The following LYPLAL1 variants were observed in gnomAD, a reference collection of about 807,000 sequenced individuals.
The protein encoded by LYPLAL1 is lysophospholipase like 1, also known as lysophospholipase-like protein 1.
In LYPLAL1, 23 loss-of-function variants were observed where a neutral mutation model predicts 19.7. The ratio of observed to expected loss-of-function variants is 1.17; its 90% CI spans 0.84 to 1.65. The LOEUF (loss-of-function observed/expected upper bound fraction) is 1.65. Ranked by LOEUF, LYPLAL1 falls within the 40% of genes most tolerant of loss-of-function variation. The pLI, the probability that LYPLAL1 is intolerant of heterozygous loss-of-function variation, is 0.00. For missense variants in LYPLAL1, 355 were observed against 279.4 expected (o/e 1.27, Z -1.93); for synonymous variants, 119 against 96.3 (o/e 1.24, Z -1.38).
chr1:219,397,677 T>C, the LYPLAL1 span, among the ~76,000 whole-genome samples: 1 of 152,236 alleles, frequency 6.6e-6, no homozygotes, highest in Non-Finnish European at 1.5e-5. Flanking sequence ...TTTGTGTTTT[T>C]ATAGTGGCTG....
chr1:219,217,115 T>G (rs1280061020), downstream of LYPLAL1, among the ~76,000 whole-genome samples: 1 of 152,154 alleles, frequency 6.6e-6, no homozygotes, highest in Non-Finnish European at 1.5e-5. Context: ...GACCTTCACT[T>G]TGAAATATTG....
the LYPLAL1 span, among the ~76,000 whole-genome samples, chr1:219,230,154 C>T: frequency 6.6e-6 from 1 of 152,164 alleles, no homozygotes; most frequent in East Asian, 1.9e-4. Flanking sequence ...ACTCTGTCAC[C>T]CAGGCTGGAG....
chr1:219,329,240 G>A, the LYPLAL1 span, among the ~76,000 whole-genome samples: 1 of 152,022 alleles, frequency 6.6e-6, no homozygotes, highest in Non-Finnish European at 1.5e-5. Flanking sequence ...TTAATGAAAA[G>A]AGAACTGTCC....
chr1:219,243,236 T>C, the LYPLAL1 span, among the ~76,000 whole-genome samples: 1 of 152,166 alleles, frequency 6.6e-6, no homozygotes, highest in Non-Finnish European at 1.5e-5. Flanking sequence ...TTAATGGAAA[T>C]ATATTTTGGA....
the LYPLAL1 span, among the ~76,000 whole-genome samples, chr1:219,255,091 T>C: frequency 1.6e-4 from 25 of 151,922 alleles, no homozygotes; most frequent in Non-Finnish European, 3.2e-4. Context: ...AAGCCTTGAC[T>C]TTTATAGGCT....
the LYPLAL1 span, among the ~76,000 whole-genome samples, chr1:219,320,136 G>A: frequency 6.6e-6 from 1 of 152,178 alleles, no homozygotes; most frequent in Non-Finnish European, 1.5e-5. Context: ...TAGTAGGTAA[G>A]CGTTTATAAT....
chr1:219,311,240 C>T, the LYPLAL1 span, among the ~76,000 whole-genome samples: 1 of 151,600 alleles, frequency 6.6e-6, no homozygotes, highest in Non-Finnish European at 1.5e-5. Context: ...GTGAGAAATG[C>T]AATATATGTT....
At chr1:219,186,055 A>G (rs1190962172) in intron 2 of LYPLAL1, among the ~76,000 whole-genome samples, 1 of 151,870 alleles carries the variant, frequency 6.6e-6, no homozygotes, top group Non-Finnish European at 1.5e-5. Flanking sequence ...TGGGACCTAT[A>G]TAACCCCATG....
the LYPLAL1 span, among the ~76,000 whole-genome samples, chr1:219,311,099 T>C: frequency 6.6e-6 from 1 of 152,218 alleles, no homozygotes. Context: ...ATAAAATTAT[T>C]GCAGAAAATG....
chr1:219,353,923 GA>G, the LYPLAL1 span, among the ~76,000 whole-genome samples: 3 of 152,032 alleles, frequency 2.0e-5, no homozygotes, highest in African/African-American at 7.2e-5. Flanking sequence ...AAGAGACATG[GA>G]AATTATAAAA....
the LYPLAL1 span, among the ~76,000 whole-genome samples, chr1:219,244,329 C>A: frequency 2.0e-5 from 3 of 152,104 alleles, no homozygotes; most frequent in African/African-American, 7.2e-5. Flanking sequence ...TAGAGTAGGT[C>A]TGGATGTTGG....
chr1:219,216,334 T>C (rs1026747399), downstream of LYPLAL1, among the ~76,000 whole-genome samples: 1 of 152,158 alleles, frequency 6.6e-6, no homozygotes, highest in African/African-American at 2.4e-5. Flanking sequence ...CTCTATCTTG[T>C]TAAGTGCTTG....
chr1:219,317,548 T>C, the LYPLAL1 span, among the ~76,000 whole-genome samples: 1 of 152,136 alleles, frequency 6.6e-6, no homozygotes, highest in Non-Finnish European at 1.5e-5. Flanking sequence ...ATATGAACCC[T>C]GAAGAAAATG....
At chr1:219,256,449 C>G in the LYPLAL1 span, among the ~76,000 whole-genome samples, 1 of 148,316 alleles carries the variant, frequency 6.7e-6, no homozygotes, top group African/African-American at 2.5e-5. Context: ...TCTTTTCTTT[C>G]TCCCTTCCTT....
At chr1:219,296,250 G>A in the LYPLAL1 span, among the ~76,000 whole-genome samples, 17 of 152,118 alleles carry the variant, frequency 1.1e-4, no homozygotes, top group Non-Finnish European at 1.9e-4. Flanking sequence ...GAGCTTCTGC[G>A]TGCTGGGCCA....
At chr1:219,294,847 G>T in the LYPLAL1 span, among the ~76,000 whole-genome samples, 2 of 152,312 alleles carry the variant, frequency 1.3e-5, no homozygotes, top group Admixed American at 1.3e-4. Context: ...GAACTGCAAT[G>T]AAGTTGCCAC....
chr1:219,284,462 C>T, the LYPLAL1 span, among the ~76,000 whole-genome samples: 1 of 152,076 alleles, frequency 6.6e-6, no homozygotes, highest in Admixed American at 6.6e-5. Context: ...CATTACATGC[C>T]TGTATCAAAA....
At chr1:219,338,107 C>A in the LYPLAL1 span, among the ~76,000 whole-genome samples, 1 of 151,992 alleles carries the variant, frequency 6.6e-6, no homozygotes, top group East Asian at 1.9e-4. Context: ...ATGGAACTTA[C>A]CCTACCCCAA....
At chr1:219,243,809 C>CT in the LYPLAL1 span, among the ~76,000 whole-genome samples, 1 of 151,184 alleles carries the variant, frequency 6.6e-6, no homozygotes, top group Non-Finnish European at 1.5e-5. Context: ...ATCCCAGCTA[C>CT]TTGGGAGGCT....
Sources: gnomAD v4.1 joint callset for allele counts (sites outside exome capture counted in the v4.1 genomes callset) on GRCh38, gnomAD v4.1.1 for gene constraint, MANE v1.5 for transcripts, NCBI Gene and HGNC (gene_info 2026-07-23, HGNC 2026-07-21) for gene names.